The following AMOTL1 variants were observed in gnomAD, a reference collection of about 807,000 sequenced individuals.
The protein encoded by AMOTL1 is angiomotin-like protein 1.
In AMOTL1, 45 loss-of-function variants were observed where a neutral mutation model predicts 102.9. The observed-to-expected ratio is 0.44, with a 90% CI of 0.34 to 0.56. The LOEUF is 0.56. AMOTL1 is among the 20% of genes least tolerant of loss of function. The pLI is 0.01. For synonymous variants in AMOTL1, 481 were observed against 484.7 expected (o/e 0.99, Z 0.10); for missense variants, 1,114 against 1,225.6 (o/e 0.91, Z 1.36).
intron 6 of AMOTL1, among the ~76,000 whole-genome samples, chr11:94,847,866 G>A (rs1306574580): frequency 6.6e-6 from 1 of 152,154 alleles, no homozygotes; most frequent in African/African-American, 2.4e-5. Context: ...AACATGAGAA[G>A]CTTTGGTTGT....
chr11:94,739,620 C>T (rs1020642758), intron 2 of AMOTL1, among the ~76,000 whole-genome samples: 1 of 152,110 alleles, frequency 6.6e-6, no homozygotes. Context: ...CAATAGAAGG[C>T]CCCCAGGAGG....
intron 1 of AMOTL1, among the ~76,000 whole-genome samples, chr11:94,771,137 A>T (rs1296730737): frequency 1.3e-5 from 2 of 151,978 alleles, no homozygotes; most frequent in Non-Finnish European, 2.9e-5. Flanking sequence ...GAAAATTGTA[A>T]AAGTTTGATT....
At chr11:94,768,602 G>A in intron 1 of AMOTL1, 42 bp downstream of exon 1, 1 of 1,566,690 alleles carries the variant, frequency 6.4e-7, no homozygotes, top group Non-Finnish European at 8.6e-7. Flanking sequence ...GCGTCTCCGA[G>A]TCTCCCACGC....
chr11:94,708,178 TC>T (rs966325875), intron 1 of AMOTL1, among the ~76,000 whole-genome samples: 1 of 152,222 alleles, frequency 6.6e-6, no homozygotes. Flanking sequence ...CCAGGCTCAC[TC>T]CACTCCTAGT....
At position 94,864,811 on chromosome 11, in the gene AMOTL1, G is replaced by C. The variant is rs1952847108; in HGVS notation, c.2212G>C (p.Glu738Gln). 6.2e-7 allele frequency: 1 copy of C among 1,613,822 alleles called. No individual in the cohort carries two copies. Among genetic ancestry groups the C allele is most frequent in the South Asian group, 1.1e-5 (1 of 91,072 alleles). ...GCTGGAGGCCCACATCTGGCAAGAG[G>C]AGGAGGAGGTGGTGCAGGCCAACAG... ...SSLEAHIWQE[E>Q]EEVVQANRRC... is the part of the protein sequence containing the mutation. The change falls in exon 10 of 13, where the codon GAG (glutamate) becomes CAG (glutamine). Residue 738 changes from glutamate (E) to glutamine (Q), a missense_variant. Physicochemically the swap from Glu to Gln is conservative, Grantham distance 29. Coordinates refer to ENST00000433060, the MANE Select transcript of AMOTL1 (RefSeq NM_130847.3).
At chr11:94,825,412 G>A (rs1951943666) in intron 4 of AMOTL1, among the ~76,000 whole-genome samples, 1 of 152,188 alleles carries the variant, frequency 6.6e-6, no homozygotes, top group Non-Finnish European at 1.5e-5. Context: ...GCTTGGAATG[G>A]CTGAGATTTT....
chr11:94,711,741 C>T (rs1950024659), intron 1 of AMOTL1, among the ~76,000 whole-genome samples: 1 of 152,030 alleles, frequency 6.6e-6, no homozygotes, highest in Admixed American at 6.6e-5. Context: ...TGAGATCTAT[C>T]CAGGTTGTTA....
At chr11:94,753,319 T>C (rs1315290580) in intron 3 of AMOTL1, among the ~76,000 whole-genome samples, 1 of 151,642 alleles carries the variant, frequency 6.6e-6, no homozygotes, top group Admixed American at 6.6e-5. Context: ...TTTTTTTTTT[T>C]TTTTTTCCTG....
At position 94,799,716 on chromosome 11, in the gene AMOTL1, G is replaced by T. The variant is rs759355267; in HGVS notation, c.526G>T (p.Val176Phe). 3.7e-6 allele frequency: 6 copies of T among 1,613,642 alleles called. No homozygotes were observed. Among genetic ancestry groups the T allele is most frequent in the African/African-American group, 1.3e-5 (1 of 74,914 alleles). The change falls in exon 3 of 13, where the codon GTC becomes TTC. Residue 176 changes from valine (V) to phenylalanine (F), a missense_variant. Transcript: ENST00000433060. This position sits in a 1 kb window ranked among gnomAD's most constrained non-coding sequence, Gnocchi z 4.5. ...QVDNTVMEKQ[V>F]RSTQPQQNNE... ...GGACAATACGGTGATGGAGAAACAG[G>T]TCCGGTCCACGCAGCCTCAGCAGAA...
At chr11:94,811,552 ATT>A (rs542747876) in intron 3 of AMOTL1, among the ~76,000 whole-genome samples, 2 of 141,294 alleles carry the variant, frequency 1.4e-5, no homozygotes, top group African/African-American at 5.1e-5. Context: ...TCCTTTTCCC[ATT>A]TTTTTTTTTC....
At chr11:94,797,021 G>A in intron 2 of AMOTL1, 1 of 985,340 alleles carries the variant, frequency 1.0e-6, no homozygotes, top group Non-Finnish European at 1.2e-6. Flanking sequence ...GGATAAAAAG[G>A]TCAGAAGTGA....
chr11:94,791,807 A>G (rs886941937), intron 1 of AMOTL1, among the ~76,000 whole-genome samples: 13 of 152,234 alleles, frequency 8.5e-5, no homozygotes, highest in Non-Finnish European at 1.6e-4. Context: ...TCCTCATTTC[A>G]GATATCCTTG....
intron 9 of AMOTL1, 90 bp from the exon 10 acceptor site, chr11:94,864,645 T>C: frequency 6.6e-7 from 1 of 1,526,558 alleles, no homozygotes; most frequent in Non-Finnish European, 8.9e-7. Context: ...TGTTCCAGCA[T>C]GAACACCAGC....
intron 9 of AMOTL1, among the ~76,000 whole-genome samples, chr11:94,862,124 C>A (rs1952787254): frequency 6.6e-6 from 1 of 152,200 alleles, no homozygotes; most frequent in Non-Finnish European, 1.5e-5. Flanking sequence ...ACCCCTCCTT[C>A]TTTGCTTTTA....
chr11:94,841,155 G>T (rs1239247882), intron 6 of AMOTL1, among the ~76,000 whole-genome samples: 1 of 152,050 alleles, frequency 6.6e-6, no homozygotes, highest in Non-Finnish European at 1.5e-5. Context: ...AAAAGAGAAG[G>T]CAAGGCCAGT....
intron 1 of AMOTL1, among the ~76,000 whole-genome samples, chr11:94,707,236 CTCTCTCTCTCTCTCTGTGTGTGTGTG>C (rs1248153495): frequency 1.4e-5 from 2 of 140,926 alleles, no homozygotes; most frequent in African/African-American, 2.7e-5. Flanking sequence ...CTCTCTCTCT[CTCTCTCTCTCTCTCTGTGTGTGTGTG>C]TGTGTGTGTG....
intron 12 of AMOTL1, 49 bp downstream of exon 12, chr11:94,869,522 T>G: frequency 6.6e-7 from 1 of 1,522,762 alleles, no homozygotes; most frequent in Non-Finnish European, 8.8e-7. Context: ...TGGAACTGTC[T>G]GGCCTAAGAG....
intron 1 of AMOTL1, among the ~76,000 whole-genome samples, chr11:94,715,200 T>C (rs1328475511): frequency 6.6e-6 from 1 of 152,204 alleles, no homozygotes; most frequent in East Asian, 1.9e-4. Context: ...TACTGATTTC[T>C]AGTCTTATTC....
At chr11:94,737,225 T>C (rs778811248) in intron 2 of AMOTL1, among the ~76,000 whole-genome samples, 19 of 152,264 alleles carry the variant, frequency 1.2e-4, no homozygotes, top group Non-Finnish European at 2.8e-4. Context: ...ACGCTCTTCA[T>C]AGGGGTAAAC....
Sources: allele counts gnomAD v4.1 joint callset (sites outside exome capture counted in the v4.1 genomes callset), GRCh38; gene constraint gnomAD v4.1.1; non-coding constraint Gnocchi (gnomAD v3.1); transcripts MANE v1.5; gene names NCBI Gene and HGNC (gene_info 2026-07-23, HGNC 2026-07-21).